Variants in CNIH3 observed in about 807,000 individuals in gnomAD.
CNIH3 encodes the protein protein cornichon homolog 3.
In CNIH3, 14 loss-of-function variants were observed where a neutral mutation model predicts 24.1. The ratio of observed to expected loss-of-function variants is 0.58; its 90% CI spans 0.38 to 0.91. The LOEUF is 0.91. CNIH3 is among the 40% of genes least tolerant of loss of function. The pLI, the probability that CNIH3 is intolerant of heterozygous loss-of-function variation, is 0.00. For synonymous variants in CNIH3, 68 were observed against 73.8 expected (o/e 0.92, Z 0.40); for missense variants, 178 against 196.8 (o/e 0.90, Z 0.57).
At chr1:224,471,795 T>C (rs944211977) in intron 1 of CNIH3, among the ~76,000 whole-genome samples, 37 of 152,224 alleles carry the variant, frequency 2.4e-4, no homozygotes, top group African/African-American at 8.7e-4. Flanking sequence ...TTTCACCATC[T>C]TGGCCAGGCT....
chr1:224,451,700 G>T (rs1016095245), intron 1 of CNIH3, among the ~76,000 whole-genome samples: 4 of 152,148 alleles, frequency 2.6e-5, no homozygotes, highest in Admixed American at 6.5e-5. Context: ...TAGATCTTTG[G>T]CCCAGGGGAA....
rs112250509 is a variant in CNIH3 at position 224,556,178 on chromosome 1, C to CTT, written n.450+9253_450+9254dup. On this transcript the variant is annotated intron_variant and non_coding_transcript_variant, in intron 3 of 5. Coordinates refer to the CNIH3 transcript ENST00000471578. ...CATGCCTATAGCTTGGTTTTCCTAT[C>CTT]TTTTTTTTTTTTTTTATCACTTGTT... Among the ~76,000 whole-genome samples, 208 of 141,680 alleles carry CTT rather than the reference C, an allele frequency of 1.5e-3. 1 individual carries two copies. Among genetic ancestry groups the CTT allele is most frequent in the African/African-American group, 5.2e-3 (204 of 39,182 alleles). 92.9% of individuals were successfully genotyped at this position (141,680 alleles called of 152,430 possible).
intron 1 of CNIH3, among the ~76,000 whole-genome samples, chr1:224,439,739 G>A (rs929652581): frequency 6.6e-6 from 1 of 151,734 alleles, no homozygotes; most frequent in African/African-American, 2.4e-5. Flanking sequence ...AGCCTCCCGA[G>A]TAGCTGGGAC....
chr1:224,558,621 G>C (rs1319077791), intron 3 of CNIH3, among the ~76,000 whole-genome samples: 1 of 152,188 alleles, frequency 6.6e-6, no homozygotes, highest in South Asian at 2.1e-4. Flanking sequence ...GGAGTAAACT[G>C]CTCCCACCAC....
At chr1:224,535,928 G>A (rs932711288) in intron 2 of CNIH3, among the ~76,000 whole-genome samples, 1 of 152,242 alleles carries the variant, frequency 6.6e-6, no homozygotes, top group Non-Finnish European at 1.5e-5. Flanking sequence ...AAGGCAGGGA[G>A]GGAGCTAGAA....
intron 3 of CNIH3, among the ~76,000 whole-genome samples, chr1:224,554,397 T>C (rs965623577): frequency 6.6e-6 from 1 of 152,164 alleles, no homozygotes; most frequent in Non-Finnish European, 1.5e-5. Flanking sequence ...GCTTTACATG[T>C]ACAGTCACCC....
At chr1:224,642,060 G>A (rs1003298935) in intron 1 of CNIH3, among the ~76,000 whole-genome samples, 15 of 152,210 alleles carry the variant, frequency 9.9e-5, no homozygotes, top group African/African-American at 3.6e-4. Flanking sequence ...TGCTCCGTTT[G>A]GACATAACAA....
At chr1:224,490,448 A>G (rs1402096506) in intron 1 of CNIH3, among the ~76,000 whole-genome samples, 1 of 152,080 alleles carries the variant, frequency 6.6e-6, no homozygotes, top group East Asian at 1.9e-4. Flanking sequence ...CCCCCATGGG[A>G]TGTGGCCCAG....
At chr1:224,564,783 T>A (rs902919000) in intron 3 of CNIH3, among the ~76,000 whole-genome samples, 4 of 152,248 alleles carry the variant, frequency 2.6e-5, no homozygotes, top group Admixed American at 2.0e-4. Context: ...TGTCCTGCTC[T>A]ACCTTCCACA....
chr1:224,486,787 T>C (rs1188738346), intron 1 of CNIH3, among the ~76,000 whole-genome samples: 1 of 152,212 alleles, frequency 6.6e-6, no homozygotes, highest in African/African-American at 2.4e-5. Context: ...AAGATGATTG[T>C]TTGGATTAGA....
chr1:224,525,349 C>T (rs1304439958), intron 2 of CNIH3, among the ~76,000 whole-genome samples: 1 of 152,172 alleles, frequency 6.6e-6, no homozygotes, highest in Non-Finnish European at 1.5e-5. Context: ...TGGGGGAAGA[C>T]CTAGTTGAGT....
intron 1 of CNIH3, among the ~76,000 whole-genome samples, chr1:224,627,106 G>T (rs1279930730): frequency 6.6e-6 from 1 of 152,184 alleles, no homozygotes; most frequent in East Asian, 1.9e-4. Context: ...AGGAGGACAT[G>T]GTGGACACGT....
chr1:224,580,518 G>A (rs1480651131), intron 4 of CNIH3, among the ~76,000 whole-genome samples: 1 of 152,162 alleles, frequency 6.6e-6, no homozygotes, highest in Non-Finnish European at 1.5e-5. Context: ...GAAAAAAGGA[G>A]GTCGCATTCT....
chr1:224,708,537 C>T (rs1335954112), intron 3 of CNIH3, among the ~76,000 whole-genome samples: 1 of 152,182 alleles, frequency 6.6e-6, no homozygotes, highest in East Asian at 1.9e-4. Context: ...ATCTCAGAAT[C>T]CCTTGCAGTC....
At chr1:224,570,506 T>C (rs1194150802) in intron 4 of CNIH3, among the ~76,000 whole-genome samples, 1 of 152,242 alleles carries the variant, frequency 6.6e-6, no homozygotes. Flanking sequence ...TTTTGTTCTT[T>C]TTTATGGCTG....
intron 1 of CNIH3, among the ~76,000 whole-genome samples, chr1:224,672,241 C>T (rs1558277052): frequency 6.6e-6 from 1 of 152,130 alleles, no homozygotes; most frequent in East Asian, 1.9e-4. Flanking sequence ...GTATAAAAGC[C>T]TGCTTCCCTG....
At chr1:224,513,195 G>A (rs1210189320), upstream of CNIH3, among the ~76,000 whole-genome samples, 3 of 151,882 alleles carry the variant, frequency 2.0e-5, no homozygotes, top group African/African-American at 7.3e-5. Context: ...ATCTTGCTCT[G>A]TCACTCAGGC....
chr1:224,497,166 G>A (rs1001247761), intron 1 of CNIH3, among the ~76,000 whole-genome samples: 3 of 152,126 alleles, frequency 2.0e-5, no homozygotes, highest in Non-Finnish European at 4.4e-5. Flanking sequence ...GTTCAAATAG[G>A]CAAATCTATA....
In CNIH3 at chr1:224,739,228, C is replaced by A. The variant is rs1053981102; in HGVS notation, c.456-101C>A. On this transcript the variant is annotated intron_variant, in intron 5 of 5. Transcript: ENST00000272133. ...TGAGGGAGAAGCCAAGGGGTCTGGCCTCTGGAAGGTCCCTCTCCTGAGGGG... is the reference window on the plus strand; with the variant it reads ...TGAGGGAGAAGCCAAGGGGTCTGGCATCTGGAAGGTCCCTCTCCTGAGGGG... 8 of 1,530,122 alleles carry A rather than the reference C, an allele frequency of 5.2e-6. No homozygotes were observed. The East Asian group carries it at 1.9e-4, about 37-fold the overall frequency. The allele number at this position is 1,530,122 out of a possible 1,614,324, so 94.8% of individuals were successfully genotyped here. A position where few individuals can be genotyped will look rare whatever the true frequency, so the allele number is the denominator to read the frequency against.
Sources: allele counts gnomAD v4.1 joint callset (sites outside exome capture counted in the v4.1 genomes callset), GRCh38; gene constraint gnomAD v4.1.1; transcripts MANE v1.5; gene names NCBI Gene and HGNC (gene_info 2026-07-23, HGNC 2026-07-21).